The following TMLHE variants were observed in gnomAD, a reference collection of about 807,000 sequenced individuals.
The protein encoded by TMLHE is trimethyllysine dioxygenase, mitochondrial.
TMLHE carries 18 observed loss-of-function variants against 25.7 expected under a neutral mutation model. The observed-to-expected ratio is 0.70, with a 90% CI of 0.48 to 1.04. The LOEUF (loss-of-function observed/expected upper bound fraction) is 1.04. Ranked by LOEUF, TMLHE falls within the 50% of genes least tolerant of loss-of-function variation. The pLI is 0.00. For synonymous variants in TMLHE, 105 were observed against 97.0 expected (o/e 1.08, Z -0.49); for missense variants, 236 against 259.0 (o/e 0.91, Z 0.61).
intron 1 of TMLHE, among the ~76,000 whole-genome samples, chrX:155,555,440 G>A (rs1437587908): frequency 9.1e-6 from 1 of 110,309 alleles, no homozygotes; most frequent in Non-Finnish European, 1.9e-5. Flanking sequence ...GTAGATCCTT[G>A]AGGAATCACC....
chrX:155,582,615 C>T (rs1479290778), intron 1 of TMLHE, among the ~76,000 whole-genome samples: 28 of 111,944 alleles, frequency 2.5e-4, no homozygotes, highest in African/African-American at 8.8e-4. Flanking sequence ...ATCAAAACCA[C>T]AATGAGATAC....
At chrX:155,537,020 T>C (rs2067282927) in intron 2 of TMLHE, among the ~76,000 whole-genome samples, 1 of 112,375 alleles carries the variant, frequency 8.9e-6, no homozygotes, top group African/African-American at 3.2e-5. Context: ...GGTCTGTTGA[T>C]TCCACTTCCT....
intron 1 of TMLHE, among the ~76,000 whole-genome samples, chrX:155,549,456 G>C (rs999225898): frequency 4.5e-5 from 5 of 110,296 alleles, no homozygotes; most frequent in Admixed American, 3.8e-4. Context: ...TTGAATTTTA[G>C]TAAATGTACT....
chrX:155,611,534 A>G lies in TMLHE; in HGVS notation c.-2+1258T>C, dbSNP rs1243199124. ...CCTGAAACAGAGGCCAAAACAAGGA[A>G]GTGATCTGTTCCAGTCCAAGCTTCC... On this transcript the variant is annotated intron_variant, in intron 1 of 7. Transcript: ENST00000334398. The G allele has an allele frequency of 2.7e-5, 3 of 111,497 alleles. No individual in the cohort carries two copies. The East Asian group carries it at 8.5e-4, about 32-fold the overall frequency. The allele number at this position is 111,497 out of a possible 1,213,427, so 9.2% of individuals were successfully genotyped here. A position where few individuals can be genotyped will look rare whatever the true frequency, so the allele number is the denominator to read the frequency against.
At chrX:155,508,312 GAAAT>G (rs2067087764) in intron 5 of TMLHE, among the ~76,000 whole-genome samples, 1 of 111,084 alleles carries the variant, frequency 9.0e-6, no homozygotes, top group South Asian at 3.7e-4. Flanking sequence ...ATTAAAATAA[GAAAT>G]AAACAAAAAT....
intron 1 of TMLHE, among the ~76,000 whole-genome samples, chrX:155,548,647 A>C (rs1293948103): frequency 6.4e-5 from 7 of 108,726 alleles, no homozygotes; most frequent in Non-Finnish European, 1.3e-4. Flanking sequence ...AGGCAGGAGA[A>C]TCGCTTGAAC....
intron 1 of TMLHE, among the ~76,000 whole-genome samples, chrX:155,576,877 T>C (rs180865333): frequency 3.7e-4 from 41 of 112,104 alleles, no homozygotes; most frequent in African/African-American, 1.2e-3. Context: ...TCAAGACTTA[T>C]AAATGTAAAG....
intron 1 of TMLHE, among the ~76,000 whole-genome samples, chrX:155,600,086 A>G (rs2067747222): frequency 8.9e-6 from 1 of 111,989 alleles, no homozygotes; most frequent in African/African-American, 3.2e-5. Context: ...TTTTGCATGA[A>G]TTTACTATAT....
rs1489795246 is a variant in TMLHE, at chrX:155,573,783, T to G, written c.-1-28506A>C. Among the ~76,000 whole-genome samples the G allele has an allele frequency of 7.8e-3, 344 of 44,273 alleles. 25 individuals carry two copies. The highest frequency in any genetic ancestry group is 0.021 in the African/African-American group (309 of 15,024). 38.4% of individuals were successfully genotyped at this position (44,273 alleles called of 115,157 possible). A position where few individuals can be genotyped will look rare whatever the true frequency, so the allele number is the denominator to read the frequency against. ...TCACTCATAGGTGGGAATTGAACAA[T>G]GAGAACACATGGACACAGGAAGGGG... is the stretch of plus-strand genomic sequence containing the variant. On this transcript the variant is annotated intron_variant, in intron 1 of 7. Coordinates refer to ENST00000334398, the MANE Select transcript of TMLHE (RefSeq NM_018196.4).
At chrX:155,598,626 A>G (rs1557346849) in intron 1 of TMLHE, among the ~76,000 whole-genome samples, 1 of 109,298 alleles carries the variant, frequency 9.1e-6, no homozygotes, top group Non-Finnish European at 1.9e-5. Flanking sequence ...TGGGTGCAGC[A>G]CACCAACATG....
At chrX:155,511,493 C>T (rs2067112577) in intron 5 of TMLHE, among the ~76,000 whole-genome samples, 180 bp downstream of exon 5, 1 of 109,446 alleles carries the variant, frequency 9.1e-6, no homozygotes, top group Non-Finnish European at 1.9e-5. Flanking sequence ...TGGCCTAATA[C>T]AGAATCTAAA....
rs892417723 is a variant in TMLHE at position 155,604,584 on chromosome X, T to G, written c.-2+8208A>C. Among the ~76,000 whole-genome samples, 77 of 111,408 alleles carry G rather than the reference T, an allele frequency of 6.9e-4. 2 individuals are homozygous for G. Among genetic ancestry groups the G allele is most frequent in the Non-Finnish European group, 9.4e-5 (5 of 53,075 alleles). ...TGGGGAGGGAACACAAAGCCTGAGC[T>G]CATCTGAAGGCTGCATGTGAAGCCC... On this transcript the variant is annotated intron_variant, in intron 1 of 7. Coordinates refer to ENST00000334398, the MANE Select transcript of TMLHE (RefSeq NM_018196.4).
intron 2 of TMLHE, among the ~76,000 whole-genome samples, chrX:155,534,940 G>T (rs991597340): frequency 4.5e-5 from 5 of 111,561 alleles, no homozygotes; most frequent in South Asian, 3.8e-4. Context: ...CCTCATGATG[G>T]TATTAGTGCT....
chrX:155,607,997 T>C (rs1310227533), intron 1 of TMLHE, among the ~76,000 whole-genome samples: 2 of 112,078 alleles, frequency 1.8e-5, no homozygotes, highest in African/African-American at 3.2e-5. Flanking sequence ...AAGCATTTTA[T>C]AGATTCAATG....
In TMLHE at chrX:155,549,419, T is replaced by C. The variant is rs370473372; in HGVS notation, c.-1-4142A>G. 2.0e-4 allele frequency among the ~76,000 whole-genome samples: 22 copies of C among 110,551 alleles called. 1 individual carries two copies. The highest frequency in any genetic ancestry group is 7.0e-4 in the African/African-American group (21 of 29,930). The stretch of plus-strand genomic sequence containing the variant: ...GGAAGTTTCCTTCAATTCCTAGTTT[T>C]CTGAGAGTATTTATCAGGAATATGA... On this transcript the variant is annotated intron_variant, in intron 1 of 7. Coordinates refer to ENST00000334398, the MANE Select transcript of TMLHE (RefSeq NM_018196.4).
At chrX:155,530,407 CAGGGCCA>C (rs1392962738) in intron 2 of TMLHE, among the ~76,000 whole-genome samples, 6 of 57,322 alleles carry the variant, frequency 1.0e-4, no homozygotes, top group Admixed American at 3.7e-4. Context: ...CAGTGGTTAC[CAGGGCCA>C]AGGGTAGGGG....
chrX:155,538,420 G>A (rs1001418608), intron 2 of TMLHE, among the ~76,000 whole-genome samples: 1 of 111,553 alleles, frequency 9.0e-6, no homozygotes, highest in Non-Finnish European at 1.9e-5. Context: ...GCACTGGCTA[G>A]TATCATTTTA....
chrX:155,589,443 C>A (rs1204028195), intron 1 of TMLHE, among the ~76,000 whole-genome samples: 1 of 111,592 alleles, frequency 9.0e-6, no homozygotes, highest in African/African-American at 3.3e-5. Context: ...GAGTGAGACT[C>A]TCTCAAACAA....
intron 1 of TMLHE, among the ~76,000 whole-genome samples, chrX:155,591,427 C>G: frequency 8.9e-6 from 1 of 111,782 alleles, no homozygotes; most frequent in Non-Finnish European, 1.9e-5. Context: ...TATGCAAGGT[C>G]ATAAAATAAT....
Sources: gnomAD v4.1 joint callset for allele counts (sites outside exome capture counted in the v4.1 genomes callset) on GRCh38, gnomAD v4.1.1 for gene constraint, MANE v1.5 for transcripts, NCBI Gene and HGNC (gene_info 2026-07-23, HGNC 2026-07-21) for gene names.